Variants in GCFC2 observed in about 807,000 individuals in gnomAD.
GCFC2 encodes intron Large complex component GCFC2.
In GCFC2, 102 loss-of-function variants were observed where a neutral mutation model predicts 99.4. That is an observed-to-expected ratio of 1.03 (90% confidence interval 0.87 to 1.21). The LOEUF is 1.21. Ranked by LOEUF, GCFC2 falls within the 50% of genes most tolerant of loss-of-function variation. The pLI is 0.00. For synonymous variants in GCFC2, 338 were observed against 316.8 expected (o/e 1.07, Z -0.71); for missense variants, 973 against 920.9 (o/e 1.06, Z -0.73).
At position 75,689,085 on chromosome 2, in the gene GCFC2, T is replaced by C; in HGVS notation, c.1480A>G (p.Ile494Val). The C allele has an allele frequency of 6.3e-7, 1 of 1,598,010 alleles. No homozygotes were observed. The highest frequency in any genetic ancestry group is 1.7e-5 in the Admixed American group (1 of 59,242). ...SYYEAFISLC[I>V]PKLLNPLIRV... The stretch of plus-strand genomic sequence containing the variant: ...ATTAGGGGATTTAAAAGCTTTGGTA[T>C]GCATAAACTAATGAAAGCTTCATAA... The change falls in exon 10 of 17, where the codon ATA (isoleucine) becomes GTA (valine). Residue 494 changes from isoleucine (I) to valine (V), a missense_variant. Coordinates refer to ENST00000321027, the MANE Select transcript of GCFC2 (RefSeq NM_003203.5).
At chr2:75,701,069 T>G (rs1680567246) in intron 4 of GCFC2, 121 bp downstream of exon 4, 3 of 628,168 alleles carry the variant, frequency 4.8e-6, no homozygotes, top group Non-Finnish European at 8.4e-6. Flanking sequence ...ATACCTTGAC[T>G]TCAGATTTTG....
rs754646767 is a variant in GCFC2 at position 75,710,873 on chromosome 2, C to T, written c.-18G>A. 1 of 1,535,556 alleles carries T rather than the reference C, an allele frequency of 6.5e-7. No individual in the cohort carries two copies. Among genetic ancestry groups the T allele is most frequent in the Non-Finnish European group, 8.7e-7 (1 of 1,147,824 alleles). On this transcript the variant is annotated 5_prime_UTR_variant, in exon 1 of 17. Coordinates refer to ENST00000321027, the MANE Select transcript of GCFC2 (RefSeq NM_003203.5). Reference sequence around the variant, plus strand: ...TGAGCCATGGCCGAGGCCCGAGCGCCCGGCGCCCTAGAACCCGCTGAACCG... The same window carrying T: ...TGAGCCATGGCCGAGGCCCGAGCGCTCGGCGCCCTAGAACCCGCTGAACCG...
intron 4 of GCFC2, among the ~76,000 whole-genome samples, chr2:75,698,205 T>C (rs1359032244): frequency 6.6e-6 from 1 of 152,208 alleles, no homozygotes; most frequent in Admixed American, 6.5e-5. Context: ...ATTGGCGACA[T>C]TACAGATTGA....
chr2:75,699,827 T>G (rs896200911), intron 4 of GCFC2, among the ~76,000 whole-genome samples: 3 of 152,166 alleles, frequency 2.0e-5, no homozygotes, highest in Non-Finnish European at 4.4e-5. Context: ...TCCTTCCACC[T>G]TGGCCTTCCG....
At position 75,670,285 on chromosome 2, in the gene GCFC2, CTAAAA is replaced by C. The variant is rs1679037603; in HGVS notation, c.1957-6_1957-2del. 6.3e-7 allele frequency: 1 copy of C among 1,589,570 alleles called. No individual in the cohort carries two copies. Among genetic ancestry groups the C allele is most frequent in the African/African-American group, 1.3e-5 (1 of 74,390 alleles). On this transcript the variant is annotated splice_acceptor_variant and splice_polypyrimidine_tract_variant and intron_variant, in intron 14 of 16. Coordinates refer to ENST00000321027, the MANE Select transcript of GCFC2 (RefSeq NM_003203.5). LOFTEE classifies it high-confidence loss of function. Reference sequence around the variant, plus strand: ...TCCAAAGAAGAATATTGCGGAAGAGCTAAAATAAAATATCAAGTAAATATGTACCT... The same window carrying C: ...TCCAAAGAAGAATATTGCGGAAGAGCTAAAATATCAAGTAAATATGTACCT...
intron 4 of GCFC2, 21 bp from the exon 5 acceptor site, chr2:75,696,336 T>G (rs1016692193): frequency 3.0e-6 from 3 of 1,009,166 alleles, no homozygotes; most frequent in Admixed American, 3.6e-5. Context: ...AAAAATAGAT[T>G]TTTACAAAAC....
At chr2:75,668,328 T>C (rs1042847231) in intron 15 of GCFC2, among the ~76,000 whole-genome samples, 1 of 151,446 alleles carries the variant, frequency 6.6e-6, no homozygotes, top group African/African-American at 2.4e-5. Context: ...AGAATGCATA[T>C]AAGTGCTAAA....
intron 2 of GCFC2, among the ~76,000 whole-genome samples, chr2:75,706,141 C>T (rs532108480): frequency 6.6e-6 from 1 of 152,296 alleles, no homozygotes; most frequent in East Asian, 1.9e-4. Context: ...ATACTTTCAG[C>T]CAGAGCTATT....
intron 11 of GCFC2, among the ~76,000 whole-genome samples, chr2:75,684,698 T>C (rs1478643516): frequency 6.6e-6 from 1 of 152,190 alleles, no homozygotes; most frequent in Non-Finnish European, 1.5e-5. Flanking sequence ...AGCCATGCTA[T>C]TACTGAGTAT....
intron 5 of GCFC2, among the ~76,000 whole-genome samples, chr2:75,694,904 A>G (rs995024678): frequency 1.3e-5 from 2 of 152,136 alleles, no homozygotes; most frequent in Admixed American, 6.5e-5. Context: ...GGAACAAAAC[A>G]TAAGAAACTG....
chr2:75,707,230 G>A (rs971491937), intron 1 of GCFC2, among the ~76,000 whole-genome samples: 3 of 152,094 alleles, frequency 2.0e-5, no homozygotes, highest in Admixed American at 6.5e-5. Flanking sequence ...ATATTGTAAC[G>A]AGCACTTTGG....
intron 7 of GCFC2, among the ~76,000 whole-genome samples, chr2:75,691,273 G>A (rs1015788069): frequency 6.6e-6 from 1 of 152,078 alleles, no homozygotes; most frequent in Non-Finnish European, 1.5e-5. Context: ...TAAGTTATAC[G>A]AATGTTGGGT....
chr2:75,699,837 G>C (rs545045517), intron 4 of GCFC2, among the ~76,000 whole-genome samples: 2 of 151,396 alleles, frequency 1.3e-5, no homozygotes, highest in Admixed American at 6.6e-5. Context: ...TTGGCCTTCC[G>C]AAGTGCTGGA....
intron 1 of GCFC2, among the ~76,000 whole-genome samples, chr2:75,709,583 G>C (rs1186812449): frequency 6.6e-6 from 1 of 152,134 alleles, no homozygotes; most frequent in Non-Finnish European, 1.5e-5. Context: ...GGAAGATACT[G>C]GTCAAAGGGC....
chr2:75,701,298 A>T lies in GCFC2; in HGVS notation c.620-11T>A. ...CTTCATTTCTGCTTACTAGCGGAAA[A>T]AAAGCTCACATGTAAACGTTTAGTA... On this transcript the variant is annotated splice_polypyrimidine_tract_variant and intron_variant, in intron 3 of 16. Transcript: ENST00000321027. 6.7e-7 allele frequency: 1 copy of T among 1,491,204 alleles called. No homozygotes were observed. The highest frequency in any genetic ancestry group is 9.4e-7 in the Non-Finnish European group (1 of 1,069,110). The allele number at this position is 1,491,204 out of a possible 1,614,324, so 92.4% of individuals were successfully genotyped here. A position where few individuals can be genotyped will look rare whatever the true frequency, so the allele number is the denominator to read the frequency against.
intron 11 of GCFC2, 69 bp downstream of exon 11, chr2:75,687,758 A>G: frequency 8.3e-7 from 1 of 1,202,590 alleles, no homozygotes. Context: ...TGTGAATATA[A>G]CAGAAATTAA....
intron 1 of GCFC2, among the ~76,000 whole-genome samples, chr2:75,707,004 A>G (rs1680901668): frequency 6.6e-6 from 1 of 152,214 alleles, no homozygotes; most frequent in Non-Finnish European, 1.5e-5. Context: ...AATGTATACT[A>G]TGTACTAGGC....
rs147318037 is a variant in GCFC2, at chr2:75,676,995, C to T, written c.1812+3198G>A. On this transcript the variant is annotated intron_variant, in intron 12 of 16. Coordinates refer to ENST00000321027, the MANE Select transcript of GCFC2 (RefSeq NM_003203.5). ...TGAGAAGATATCTAATACTAACAGA[C>T]TCCCCATAGGTAGCCAATGCCCTAC... Among the ~76,000 whole-genome samples the T allele has an allele frequency of 2.1e-3, 325 of 152,288 alleles. 2 individuals are homozygous for T. The highest frequency in any genetic ancestry group is 7.5e-3 in the African/African-American group (311 of 41,554).
In GCFC2 at chr2:75,670,121, C is replaced by T; in HGVS notation, c.2103+17G>A. The stretch of plus-strand genomic sequence containing the variant: ...TAGAAATGATAAAATTAGAATCAGT[C>T]TTCCTTCACAACTTACCTGGTTGCA... On this transcript the variant is annotated intron_variant, in intron 15 of 16. Coordinates refer to ENST00000321027, the MANE Select transcript of GCFC2 (RefSeq NM_003203.5). 1.3e-6 allele frequency: 2 copies of T among 1,532,730 alleles called. No homozygotes were observed. Among genetic ancestry groups the T allele is most frequent in the Non-Finnish European group, 1.8e-6 (2 of 1,119,484 alleles). The allele number at this position is 1,532,730 out of a possible 1,614,324, so 94.9% of individuals were successfully genotyped here.
Sources: allele counts gnomAD v4.1 joint callset (sites outside exome capture counted in the v4.1 genomes callset), GRCh38; gene constraint gnomAD v4.1.1; transcripts MANE v1.5; gene names NCBI Gene and HGNC (gene_info 2026-07-23, HGNC 2026-07-21).